STK36: variants seen among roughly 807,000 people sequenced by gnomAD.
The protein encoded by STK36 is serine/threonine kinase 36.
Under a neutral mutation model 142.2 loss-of-function variants are expected in STK36, and 116 were observed. The observed-to-expected ratio is 0.82, with a 90% confidence interval of 0.70 to 0.95. The LOEUF (loss-of-function observed/expected upper bound fraction) is 0.95. Among genes scored for constraint, STK36 ranks in the 40% least tolerant of loss-of-function variants. The pLI, the probability that STK36 is intolerant of heterozygous loss-of-function variation, is 0.00. For missense variants in STK36, 1,422 were observed against 1,617.2 expected (o/e 0.88, Z 2.07); for synonymous variants, 619 against 641.7 (o/e 0.96, Z 0.53).
intron 26 of STK36, among the ~76,000 whole-genome samples, chr2:218,699,686 T>A (rs1941374649): frequency 7.6e-6 from 1 of 131,534 alleles, no homozygotes; most frequent in African/African-American, 3.0e-5. Context: ...TGCTGACTAT[T>A]TTTTTTTTAG....
chr2:218,698,717 C>T lies in STK36; in HGVS notation c.3173C>T (p.Ser1058Phe). 6.2e-7 allele frequency: 1 copy of T among 1,614,232 alleles called. No individual in the cohort carries two copies. Among genetic ancestry groups the T allele is most frequent in the Non-Finnish European group, 8.5e-7 (1 of 1,180,050 alleles). ...CAGTTTGTGAACACAGTGTCTGCCT[C>T]CCCTAGAACCATCGTCTCGTTTCTC... ...LNQFVNTVSASPRTIVSFLSV... is the reference protein window; with the variant it reads ...LNQFVNTVSAFPRTIVSFLSV... The change falls in exon 26 of 27, where the codon TCC (serine) becomes TTC (phenylalanine). Residue 1058 changes from serine to phenylalanine, a missense_variant. Transcript: ENST00000295709.
chr2:218,676,330 C>T, intron 6 of STK36, 52 bp downstream of exon 6: 1 of 1,599,356 alleles, frequency 6.3e-7, no homozygotes, highest in African/African-American at 1.3e-5. Flanking sequence ...CTGTCTCCCT[C>T]TATCTCTGTT....
chr2:218,698,531 AGGTTTT>A lies in STK36; in HGVS notation c.3058-68_3058-63del, dbSNP rs147109660. 2.3e-3 allele frequency: 3,472 copies of A among 1,539,226 alleles called. 77 individuals carry two copies. In the African/African-American group the frequency reaches 0.043, roughly 19 times the overall value. On this transcript the variant is annotated intron_variant, in intron 25 of 26. Coordinates refer to ENST00000295709, the MANE Select transcript of STK36 (RefSeq NM_015690.5). ...CCATAGCTTGGCTTTTCTCTCTCCC[AGGTTTT>A]GGGCTTCTTTATAGCTGCATATACT... is the stretch of plus-strand genomic sequence containing the variant.
intron 10 of STK36, among the ~76,000 whole-genome samples, chr2:218,682,023 G>A (rs1342698377): frequency 6.6e-6 from 1 of 152,152 alleles, no homozygotes; most frequent in East Asian, 1.9e-4. Context: ...TGCCTCCTGG[G>A]TTCAAGCGAT....
At position 218,694,649 on chromosome 2, in the gene STK36, G is replaced by C; in HGVS notation, c.2511+14G>C. 6.2e-7 allele frequency: 1 copy of C among 1,609,654 alleles called. No individual in the cohort carries two copies. Among genetic ancestry groups the C allele is most frequent in the Non-Finnish European group, 8.5e-7 (1 of 1,175,882 alleles). On this transcript the variant is annotated intron_variant, in intron 21 of 26. Transcript: ENST00000295709. This position sits in a 1 kb window ranked among gnomAD's most constrained non-coding sequence, Gnocchi z 4.4. ...GCCCCTGCAGAGGTGAGGCCCCCCA[G>C]GGAGGGCACAGACATGTTTTCTCTG... is the stretch of plus-strand genomic sequence containing the variant.
chr2:218,682,660 C>A (rs1437025808), intron 10 of STK36, among the ~76,000 whole-genome samples: 5 of 152,088 alleles, frequency 3.3e-5, no homozygotes, highest in African/African-American at 1.2e-4. Flanking sequence ...ATGATGTGAT[C>A]TCGGCTCACT....
intron 26 of STK36, among the ~76,000 whole-genome samples, chr2:218,700,937 G>A (rs1167489737): frequency 6.6e-6 from 1 of 150,882 alleles, no homozygotes; most frequent in Non-Finnish European, 1.5e-5. Flanking sequence ...CCTTGAACCT[G>A]GGAGGAGGAG....
intron 2 of STK36, 67 bp from the exon 3 acceptor site, chr2:218,673,558 A>G (rs1940087056): frequency 6.5e-7 from 1 of 1,538,470 alleles, no homozygotes; most frequent in African/African-American, 1.4e-5. Flanking sequence ...CTCTGAGATT[A>G]AGGCTGAAAT....
chr2:218,675,312 T>G (rs1474414047), intron 4 of STK36, 31 bp from the exon 5 acceptor site: 3 of 1,592,546 alleles, frequency 1.9e-6, no homozygotes, highest in South Asian at 1.1e-5. Flanking sequence ...TCTAACCTTT[T>G]TTTTCTTTCT....
Position 218,694,397 on chromosome 2 carries a change from C to T in STK36, c.2400+70C>T. ...CTACCCCTTGTGGAAGTGGGGGAGT[C>T]ACTATCCAATTTGCATCTGTTTCTG... On this transcript the variant is annotated intron_variant, in intron 20 of 26. Transcript: ENST00000295709. The surrounding 1 kb of genome is among the most constrained non-coding windows in gnomAD (Gnocchi z 4.4). 3 of 1,530,130 alleles carry T rather than the reference C, an allele frequency of 2.0e-6. No individual in the cohort carries two copies. The highest frequency in any genetic ancestry group is 1.8e-6 in the Non-Finnish European group (2 of 1,103,980). The allele number at this position is 1,530,130 out of a possible 1,614,324, so 94.8% of individuals were successfully genotyped here. A position where few individuals can be genotyped will look rare whatever the true frequency, so the allele number is the denominator to read the frequency against.
Position 218,699,169 on chromosome 2 carries a change from C to T in STK36, c.3625C>T (p.Arg1209Trp), listed in dbSNP as rs142956585. 1.8e-4 allele frequency: 295 copies of T among 1,613,948 alleles called. No individual in the cohort carries two copies. Among genetic ancestry groups the T allele is most frequent in the Non-Finnish European group, 2.2e-4 (261 of 1,180,032 alleles). The change falls in exon 26 of 27, where the codon CGG (arginine) becomes TGG (tryptophan). Residue 1209 changes from arginine to tryptophan, a missense_variant. Arg to Trp is a moderately radical substitution (Grantham distance 101). Transcript: ENST00000295709. Reference sequence around the variant, plus strand: ...GCTTGGAGATCCTCAGGCTGGTATCCGGCGCAATGTTGCATCAGCTCTGGG... The same window carrying T: ...GCTTGGAGATCCTCAGGCTGGTATCTGGCGCAATGTTGCATCAGCTCTGGG... ...QLLGDPQAGI[R>W]RNVASALGNL...
At position 218,692,222 on chromosome 2, in the gene STK36, C is replaced by T. The variant is rs763039232; in HGVS notation, c.1844C>T (p.Thr615Ile). 6.2e-7 allele frequency: 1 copy of T among 1,614,216 alleles called. No individual in the cohort carries two copies. Among genetic ancestry groups the T allele is most frequent in the Non-Finnish European group, 8.5e-7 (1 of 1,180,040 alleles). Reference protein sequence around the residue: ...SKAFYSSLLTTQQVVLDGLLH... With the variant: ...SKAFYSSLLTIQQVVLDGLLH... ...GCCTTTTACTCCAGCTTGCTGACGA[C>T]ACAGCAGGTTGTCTTGGATGGGCTC... is the stretch of plus-strand genomic sequence containing the variant. Residue 615 changes from threonine to isoleucine, a missense_variant, in exon 15 of 27, where the codon ACA (threonine) becomes ATA (isoleucine). Physicochemically the swap from Thr to Ile is moderately conservative, Grantham distance 89. This residue lies in a region of STK36 where 962 missense variants were observed against 1,167.5 expected (regional missense o/e 0.82). Transcript: ENST00000295709.
chr2:218,674,040 A>G (rs1940121010), intron 4 of STK36, 84 bp downstream of exon 4: 1 of 1,333,878 alleles, frequency 7.5e-7, no homozygotes, highest in East Asian at 2.5e-5. Flanking sequence ...GGACACTGAG[A>G]GTCTCCATTT....
At chr2:218,682,087 C>T (rs1020835788) in intron 10 of STK36, among the ~76,000 whole-genome samples, 8 of 152,148 alleles carry the variant, frequency 5.3e-5, no homozygotes, top group African/African-American at 1.9e-4. Flanking sequence ...GCCATCATGC[C>T]CAGCTAATTT....
chr2:218,672,106 A>G lies in STK36; in HGVS notation c.-199A>G. 1 of 1,067,388 alleles carries G rather than the reference A, an allele frequency of 9.4e-7. No homozygotes were observed. The highest frequency in any genetic ancestry group is 1.4e-6 in the Non-Finnish European group (1 of 714,606). 66.1% of individuals were successfully genotyped at this position (1,067,388 alleles called of 1,614,324 possible). The stretch of plus-strand genomic sequence containing the variant: ...TCCTTAGCCGGGCCTGATGGCCCTG[A>G]GGCAGTTCGGATGTGTCCCAGGAAG... On this transcript the variant is annotated 5_prime_UTR_variant, in exon 1 of 27. Coordinates refer to ENST00000295709, the MANE Select transcript of STK36 (RefSeq NM_015690.5).
At chr2:218,693,373 C>A (rs766850498) in intron 17 of STK36, 29 bp downstream of exon 17, 7 of 1,598,758 alleles carry the variant, frequency 4.4e-6, no homozygotes, top group East Asian at 2.2e-5. Flanking sequence ...GGCATCACAG[C>A]TTTATTTTTA....
intron 13 of STK36, 48 bp from the exon 14 acceptor site, chr2:218,690,402 G>A: frequency 1.3e-6 from 2 of 1,514,070 alleles, no homozygotes; most frequent in Non-Finnish European, 1.8e-6. Context: ...CCACATCCAG[G>A]CTTTTAGTAG....
rs1197537460 is a variant in STK36, at chr2:218,692,229, G to C, written c.1851G>C (p.Gln617His). 5 of 1,614,238 alleles carry C rather than the reference G, an allele frequency of 3.1e-6. No homozygotes were observed. Among genetic ancestry groups the C allele is most frequent in the Non-Finnish European group, 4.2e-6 (5 of 1,180,054 alleles). ...ACTCCAGCTTGCTGACGACACAGCAGGTTGTCTTGGATGGGCTCCTTCATG... is the reference window on the plus strand; with the variant it reads ...ACTCCAGCTTGCTGACGACACAGCACGTTGTCTTGGATGGGCTCCTTCATG... ...AFYSSLLTTQ[Q>H]VVLDGLLHGL... Residue 617 changes from glutamine to histidine, a missense_variant, in exon 15 of 27, where the codon CAG (glutamine) becomes CAC (histidine). Physicochemically the swap from Gln to His is conservative, Grantham distance 24. Transcript: ENST00000295709.
intron 21 of STK36, among the ~76,000 whole-genome samples, chr2:218,695,657 C>A (rs1261897294): frequency 6.6e-6 from 1 of 150,550 alleles, no homozygotes; most frequent in Non-Finnish European, 1.5e-5. Context: ...CCTCAGCCTC[C>A]CAAGTAGTTG....
Sources: allele counts gnomAD v4.1 joint callset (sites outside exome capture counted in the v4.1 genomes callset), GRCh38; gene constraint gnomAD v4.1.1; regional missense constraint gnomAD v4.1.1; non-coding constraint Gnocchi (gnomAD v3.1); transcripts MANE v1.5; gene names NCBI Gene and HGNC (gene_info 2026-07-23, HGNC 2026-07-21).